Variants in AACS observed in about 807,000 individuals in gnomAD.
The protein encoded by AACS is acetoacetyl-CoA synthetase.
AACS carries 69 observed loss-of-function variants against 83.1 expected under a neutral mutation model. The ratio of observed to expected loss-of-function variants is 0.83; its 90% CI spans 0.68 to 1.01. The LOEUF (loss-of-function observed/expected upper bound fraction) is 1.01, where lower values mean the gene tolerates loss of function less well. AACS is among the 50% of genes least tolerant of loss of function. AACS has a pLI of 0.00. For synonymous variants in AACS, 333 were observed against 343.4 expected (o/e 0.97, Z 0.33); for missense variants, 866 against 882.2 (o/e 0.98, Z 0.23).
intron 8 of AACS, among the ~76,000 whole-genome samples, chr12:125,110,011 A>G (rs1218078935): frequency 1.4e-5 from 2 of 147,776 alleles, no homozygotes; most frequent in Non-Finnish European, 3.0e-5. Context: ...GCCTGGGTCA[A>G]TGTGGTGCTT....
At chr12:125,076,719 C>T (rs1280353136) in intron 3 of AACS, 108 bp downstream of exon 3, 3 of 1,493,358 alleles carry the variant, frequency 2.0e-6, no homozygotes, top group East Asian at 2.3e-5. Flanking sequence ...CATATGTTGG[C>T]ACCTTTCTGA....
chr12:125,137,254 A>G (rs1957414593), intron 17 of AACS, among the ~76,000 whole-genome samples: 1 of 152,110 alleles, frequency 6.6e-6, no homozygotes, highest in Non-Finnish European at 1.5e-5. Flanking sequence ...GCTCACTGCA[A>G]CCTCCGCTTC....
At chr12:125,092,208 A>G (rs1300755672) in intron 5 of AACS, among the ~76,000 whole-genome samples, 1 of 152,106 alleles carries the variant, frequency 6.6e-6, no homozygotes, top group Non-Finnish European at 1.5e-5. Flanking sequence ...AGCGTCAGGG[A>G]CCTTCAGGAG....
intron 1 of AACS, among the ~76,000 whole-genome samples, chr12:125,067,277 T>TAA (rs1955727841): frequency 6.6e-6 from 1 of 152,084 alleles, no homozygotes; most frequent in Non-Finnish European, 1.5e-5. Flanking sequence ...CAGCAGTTGG[T>TAA]AAATGAGTAT....
chr12:125,091,670 G>C, intron 5 of AACS, 147 bp downstream of exon 5: 1 of 758,248 alleles, frequency 1.3e-6, no homozygotes, highest in East Asian at 2.7e-5. Context: ...TATGGGGAAA[G>C]AAGCCAGAAG....
intron 8 of AACS, among the ~76,000 whole-genome samples, chr12:125,111,702 T>C (rs112715576): frequency 6.6e-5 from 10 of 152,354 alleles, no homozygotes; most frequent in African/African-American, 2.4e-4. Flanking sequence ...TTGTGCTTCC[T>C]AAGTCTGTGA....
rs367646177 is a variant in AACS at position 125,118,591 on chromosome 12, G to A, written c.997-50G>A. ...ACAGGAAGCTGAGGGGGCAGCGCTG[G>A]GGGGAGCTGCCTAGCGCCCGCTGAA... is the stretch of plus-strand genomic sequence containing the variant. On this transcript the variant is annotated intron_variant, in intron 9 of 17. Coordinates refer to ENST00000316519, the MANE Select transcript of AACS (RefSeq NM_023928.5). The A allele has an allele frequency of 4.3e-5, 69 of 1,607,416 alleles. No individual in the cohort carries two copies. In the African/African-American group the frequency reaches 5.3e-4, roughly 12 times the overall value.
chr12:125,105,463 G>A (rs776037055), intron 7 of AACS: 4 of 152,306 alleles, frequency 2.6e-5, no homozygotes, highest in South Asian at 2.1e-4. Flanking sequence ...ATGCAACCTC[G>A]GATTTTGTGC....
At chr12:125,111,639 G>T (rs1286339088) in intron 8 of AACS, among the ~76,000 whole-genome samples, 4 of 152,164 alleles carry the variant, frequency 2.6e-5, no homozygotes, top group African/African-American at 9.7e-5. Context: ...TCCTAGGGCT[G>T]CTCGTAATCT....
intron 1 of AACS, among the ~76,000 whole-genome samples, chr12:125,068,843 CTTTT>C (rs11333763): frequency 7.2e-6 from 1 of 138,810 alleles, no homozygotes; most frequent in Admixed American, 7.3e-5. Flanking sequence ...TGTGAGCATT[CTTTT>C]TTTTTTTTTT....
At chr12:125,109,342 CTT>C (rs1440584623) in intron 8 of AACS, among the ~76,000 whole-genome samples, 1 of 152,144 alleles carries the variant, frequency 6.6e-6, no homozygotes, top group Non-Finnish European at 1.5e-5. Context: ...GTCATGAACT[CTT>C]GGGCTCAAGT....
intron 5 of AACS, among the ~76,000 whole-genome samples, chr12:125,092,992 G>A (rs1000822014): frequency 3.3e-5 from 5 of 152,174 alleles, no homozygotes; most frequent in African/African-American, 9.7e-5. Flanking sequence ...CAGTGTCCAT[G>A]GGCAAGTGCC....
At chr12:125,108,324 T>C (rs1956878025) in intron 8 of AACS, among the ~76,000 whole-genome samples, 1 of 152,206 alleles carries the variant, frequency 6.6e-6, no homozygotes, top group African/African-American at 2.4e-5. Context: ...GCCGCCTTCT[T>C]GCTCTGTCCT....
chr12:125,114,773 G>C (rs1957023207), intron 9 of AACS, among the ~76,000 whole-genome samples: 1 of 144,336 alleles, frequency 6.9e-6, no homozygotes, highest in African/African-American at 2.6e-5. Flanking sequence ...CCGGCCCGTG[G>C]CACATGTTAA....
At position 125,075,372 on chromosome 12, in the gene AACS, A is replaced by G. The variant is rs1955997239; in HGVS notation, c.238-1119A>G. Among the ~76,000 whole-genome samples the G allele has an allele frequency of 2.0e-5, 3 of 149,066 alleles. 1 individual carries two copies. Among genetic ancestry groups the G allele is most frequent in the South Asian group, 4.3e-4 (2 of 4,698 alleles). ...CTGGAGTGCATCTCGGCTCACTGCAACCTCCACCTCCTGGGTTCAGGTGAT... is the reference window on the plus strand; with the variant it reads ...CTGGAGTGCATCTCGGCTCACTGCAGCCTCCACCTCCTGGGTTCAGGTGAT... On this transcript the variant is annotated intron_variant, in intron 2 of 17. Transcript: ENST00000316519.
chr12:125,084,391 CCTT>C (rs1174347716), intron 3 of AACS, among the ~76,000 whole-genome samples: 1 of 151,098 alleles, frequency 6.6e-6, no homozygotes. Flanking sequence ...CCCCTCCTTT[CCTT>C]CTTTCCTTTC....
At chr12:125,093,922 G>A (rs1172044732) in intron 5 of AACS, among the ~76,000 whole-genome samples, 1 of 152,242 alleles carries the variant, frequency 6.6e-6, no homozygotes, top group Non-Finnish European at 1.5e-5. Flanking sequence ...AGCACTCCTG[G>A]CCGTGTGCAC....
chr12:125,095,191 G>T (rs138976307), intron 5 of AACS, among the ~76,000 whole-genome samples: 1 of 152,124 alleles, frequency 6.6e-6, no homozygotes, highest in Non-Finnish European at 1.5e-5. Flanking sequence ...AGCTGTCCTC[G>T]AGCAGCTCTC....
chr12:125,076,729 A>G, intron 3 of AACS, 118 bp downstream of exon 3: 1 of 1,463,490 alleles, frequency 6.8e-7, no homozygotes, highest in Non-Finnish European at 9.2e-7. Context: ...CACCTTTCTG[A>G]TGTAATTAAG....
Sources: gnomAD v4.1 joint callset for allele counts (sites outside exome capture counted in the v4.1 genomes callset) on GRCh38, gnomAD v4.1.1 for gene constraint, MANE v1.5 for transcripts, NCBI Gene and HGNC (gene_info 2026-07-23, HGNC 2026-07-21) for gene names.